The following NRXN1 variants were observed in gnomAD, a reference collection of about 807,000 sequenced individuals.
NRXN1 encodes neurexin 1.
Under a neutral mutation model 150.9 loss-of-function variants are expected in NRXN1, and 39 were observed. The ratio of observed to expected loss-of-function variants is 0.26; its 90% confidence interval spans 0.20 to 0.34. NRXN1 has a LOEUF of 0.34. NRXN1 is among the 10% of genes least tolerant of loss of function. The pLI is 1.00. For missense variants in NRXN1, 1,815 were observed against 1,949.9 expected (o/e 0.93, Z 1.30); for synonymous variants, 924 against 757.0 (o/e 1.22, Z -3.62).
intron 5 of NRXN1, among the ~76,000 whole-genome samples, chr2:50,803,752 C>T (rs919177943): frequency 5.9e-5 from 9 of 152,134 alleles, no homozygotes; most frequent in African/African-American, 1.7e-4. Context: ...GGGATACTTA[C>T]GTTCAAGATC....
intron 19 of NRXN1, among the ~76,000 whole-genome samples, chr2:50,068,082 T>G (rs1482174003): frequency 6.6e-6 from 1 of 152,196 alleles, no homozygotes; most frequent in Non-Finnish European, 1.5e-5. Flanking sequence ...TATTCTCAAG[T>G]GGAAAAGAAA....
chr2:50,598,578 G>GTA (rs1199786519), intron 8 of NRXN1, among the ~76,000 whole-genome samples: 1 of 131,786 alleles, frequency 7.6e-6, no homozygotes, highest in African/African-American at 2.8e-5. Flanking sequence ...GTGTGTGTGT[G>GTA]TATATATATG....
intron 2 of NRXN1, among the ~76,000 whole-genome samples, chr2:50,960,581 T>C (rs751280583): frequency 3.3e-5 from 5 of 151,940 alleles, no homozygotes; most frequent in Non-Finnish European, 5.9e-5. Flanking sequence ...GAAGTATATA[T>C]GACACCCATG....
intron 5 of NRXN1, among the ~76,000 whole-genome samples, chr2:50,800,475 A>G (rs1348309478): frequency 3.3e-5 from 5 of 152,228 alleles, no homozygotes; most frequent in African/African-American, 7.2e-5. Context: ...TAACAGATGT[A>G]GGCCAAGTCA....
chr2:50,769,772 C>G (rs1248950599), intron 5 of NRXN1, among the ~76,000 whole-genome samples: 1 of 152,030 alleles, frequency 6.6e-6, no homozygotes, highest in East Asian at 1.9e-4. Context: ...TCTGAAAAAT[C>G]TGAGCATCTG....
At chr2:51,017,665 G>A (rs1668936948) in intron 2 of NRXN1, among the ~76,000 whole-genome samples, 1 of 151,616 alleles carries the variant, frequency 6.6e-6, no homozygotes, top group Non-Finnish European at 1.5e-5. Flanking sequence ...TTTTTAAATA[G>A]ACATTCATAA....
At chr2:50,925,478 T>C (rs527611940) in intron 3 of NRXN1, among the ~76,000 whole-genome samples, 1 of 151,950 alleles carries the variant, frequency 6.6e-6, no homozygotes, top group African/African-American at 2.4e-5. Context: ...CAGTACTTTA[T>C]TGCATTCTTT....
intron 17 of NRXN1, among the ~76,000 whole-genome samples, chr2:50,243,583 CA>C (rs1281012289): frequency 6.6e-6 from 1 of 151,852 alleles, no homozygotes; most frequent in Non-Finnish European, 1.5e-5. Context: ...ACTGTCCACA[CA>C]CTATTCCACC....
chr2:50,528,252 T>C lies in NRXN1; in HGVS notation c.2374+373A>G, dbSNP rs188447420. Among the ~76,000 whole-genome samples, 200 of 149,578 alleles carry C rather than the reference T, an allele frequency of 1.3e-3. 1 individual carries two copies. The highest frequency in any genetic ancestry group is 4.7e-3 in the African/African-American group (189 of 40,304). On this transcript the variant is annotated intron_variant, in intron 12 of 22. Transcript: ENST00000401669. ...AAGAGGAATTAAGTATTTTTTTTTG[T>C]ATTTGAGTTAAAAGATAAAGACAAA...
intron 5 of NRXN1, among the ~76,000 whole-genome samples, chr2:50,653,976 C>G (rs371761320): frequency 2.4e-4 from 31 of 127,406 alleles, no homozygotes; most frequent in African/African-American, 8.9e-4. Context: ...GCCTTTTCAT[C>G]TTTTTTTTTT....
At chr2:50,838,553 A>G (rs977194824) in intron 5 of NRXN1, among the ~76,000 whole-genome samples, 1 of 152,094 alleles carries the variant, frequency 6.6e-6, no homozygotes, top group African/African-American at 2.4e-5. Context: ...CAAATGTTAA[A>G]ATGAGGTCAT....
At chr2:49,926,415 G>A (rs974580157) in intron 22 of NRXN1, 1 of 398,344 alleles carries the variant, frequency 2.5e-6, no homozygotes, top group Non-Finnish European at 4.4e-6. Context: ...AGAATCCTAT[G>A]AATCTTCTTG....
intron 5 of NRXN1, among the ~76,000 whole-genome samples, chr2:50,695,401 G>C (rs1320982814): frequency 6.6e-6 from 1 of 152,136 alleles, no homozygotes; most frequent in Non-Finnish European, 1.5e-5. Context: ...ATAACATAAA[G>C]TGGTGTACCT....
chr2:50,400,662 A>C lies in NRXN1; in HGVS notation c.3364+64780T>G, dbSNP rs973426093. ...ATTGGAATACACTAACAAACATGTCAGTGTGGACAAGTAAGGTTCTGCTCA... is the reference window on the plus strand; with the variant it reads ...ATTGGAATACACTAACAAACATGTCCGTGTGGACAAGTAAGGTTCTGCTCA... On this transcript the variant is annotated intron_variant, in intron 17 of 22. Transcript: ENST00000401669. Among the ~76,000 whole-genome samples the C allele has an allele frequency of 3.3e-5, 5 of 152,304 alleles. No individual in the cohort carries two copies. The East Asian group carries it at 5.8e-4, about 18-fold the overall frequency.
intron 17 of NRXN1, among the ~76,000 whole-genome samples, chr2:50,326,403 C>G (rs1055030694): frequency 6.6e-6 from 1 of 152,106 alleles, no homozygotes; most frequent in Non-Finnish European, 1.5e-5. Flanking sequence ...AAAGACTTAG[C>G]CCATGTAAAA....
rs914326086 is a variant in NRXN1, at chr2:51,011,366, C to T, written c.772+16136G>A. ...AAGTGCTCCCCTGGGGACTTAGAATCAAGTGAAGAAATCAGATGGGATGAT... is the reference window on the plus strand; with the variant it reads ...AAGTGCTCCCCTGGGGACTTAGAATTAAGTGAAGAAATCAGATGGGATGAT... On this transcript the variant is annotated intron_variant, in intron 2 of 22. Coordinates refer to ENST00000401669, the MANE Select transcript of NRXN1 (RefSeq NM_001330078.2). Among the ~76,000 whole-genome samples, 3 of 151,922 alleles carry T rather than the reference C, an allele frequency of 2.0e-5. No individual in the cohort carries two copies. The East Asian group carries it at 5.8e-4, about 30-fold the overall frequency.
chr2:50,220,585 C>T (rs1451108233), intron 18 of NRXN1, among the ~76,000 whole-genome samples: 2 of 151,968 alleles, frequency 1.3e-5, no homozygotes, highest in Non-Finnish European at 2.9e-5. Context: ...TTCAACAGGA[C>T]GTATCCAATT....
At chr2:50,552,466 T>C in intron 9 of NRXN1, 121 bp downstream of exon 9, 1 of 735,934 alleles carries the variant, frequency 1.4e-6, no homozygotes, top group South Asian at 1.8e-5. Flanking sequence ...AGGCAATTTC[T>C]TTTAGGCTAA....
chr2:50,213,887 C>G (rs2063205841), intron 18 of NRXN1, among the ~76,000 whole-genome samples: 1 of 151,946 alleles, frequency 6.6e-6, no homozygotes, highest in African/African-American at 2.4e-5. Flanking sequence ...ACCACTGCAG[C>G]TAAGAGGAAT....
Sources: allele counts gnomAD v4.1 joint callset (sites outside exome capture counted in the v4.1 genomes callset), GRCh38; gene constraint gnomAD v4.1.1; transcripts MANE v1.5; gene names NCBI Gene and HGNC (gene_info 2026-07-23, HGNC 2026-07-21).